Variants in SDK1 observed in about 807,000 individuals in gnomAD.
The protein encoded by SDK1 is protein sidekick-1.
SDK1 carries 157 observed loss-of-function variants against 245.5 expected under a neutral mutation model. The observed-to-expected ratio is 0.64, with a 90% CI of 0.56 to 0.73. The LOEUF is 0.73. Among genes scored for constraint, SDK1 ranks in the 30% least tolerant of loss-of-function variants. SDK1 has a pLI of 0.00. For synonymous variants in SDK1, 1,647 were observed against 1,278.5 expected (o/e 1.29, Z -6.15); for missense variants, 3,583 against 3,002.3 (o/e 1.19, Z -4.52).
At chr7:3,730,234 T>G (rs537702741) in intron 4 of SDK1, among the ~76,000 whole-genome samples, 1 of 152,282 alleles carries the variant, frequency 6.6e-6, no homozygotes, top group East Asian at 1.9e-4. Context: ...CATCTCAGCC[T>G]CACATACAGT....
At chr7:3,804,256 T>C (rs566756524) in intron 4 of SDK1, among the ~76,000 whole-genome samples, 26 of 152,368 alleles carry the variant, frequency 1.7e-4, no homozygotes, top group African/African-American at 5.8e-4. Flanking sequence ...GGGTTTATTT[T>C]TGTATTCAGT....
chr7:3,987,278 G>T lies in SDK1; in HGVS notation c.2087G>T (p.Gly696Val). 2.5e-6 allele frequency: 4 copies of T among 1,614,110 alleles called. No individual in the cohort carries two copies. Among genetic ancestry groups the T allele is most frequent in the Non-Finnish European group, 2.5e-6 (3 of 1,179,982 alleles). Residue 696 changes from glycine to valine, a missense_variant, in exon 14 of 45, where the codon GGA becomes GTA. Transcript: ENST00000404826. The part of the protein sequence containing the change: ...VVLSWVRPFD[G>V]NSPILYYIVE... ...CTCTCTTGGGTCCGGCCCTTTGATG[G>T]AAACAGTCCTATTCTTTATTACATC...
chr7:4,150,808 A>T (rs770949369), intron 30 of SDK1, among the ~76,000 whole-genome samples: 27 of 152,218 alleles, frequency 1.8e-4, no homozygotes, highest in Non-Finnish European at 2.6e-4. Context: ...AAGAGAAGAG[A>T]AACCTCCAAA....
chr7:3,598,398 T>C (rs1781138769), intron 1 of SDK1, among the ~76,000 whole-genome samples: 1 of 152,248 alleles, frequency 6.6e-6, no homozygotes, highest in South Asian at 2.1e-4. Flanking sequence ...CTTTTTATTT[T>C]TATTTTATTT....
At chr7:3,661,567 A>G (rs936569102) in intron 4 of SDK1, among the ~76,000 whole-genome samples, 16 of 152,204 alleles carry the variant, frequency 1.1e-4, no homozygotes, top group Admixed American at 7.2e-4. Context: ...AATTGTGGCT[A>G]TCATTGAATT....
chr7:3,427,325 C>G (rs1779705861), intron 1 of SDK1, among the ~76,000 whole-genome samples: 1 of 152,026 alleles, frequency 6.6e-6, no homozygotes, highest in African/African-American at 2.4e-5. Flanking sequence ...TCGAGACCAG[C>G]CTGGCCAACA....
Position 4,268,567 on chromosome 7 carries a change from TA to T in SDK1, c.*3184del, listed in dbSNP as rs920551562. 3 of 1,339,786 alleles carry T rather than the reference TA, an allele frequency of 2.2e-6. No individual in the cohort carries two copies. In the African/African-American group the frequency reaches 4.4e-5, roughly 20 times the overall value. 83.0% of individuals were successfully genotyped at this position (1,339,786 alleles called of 1,614,324 possible). ...CAGCCCCGGGAGGTGGCTCACTCTG[TA>T]CAGGTCTTCGGAGGCCGTGTTTGTA... On this transcript the variant is annotated 3_prime_UTR_variant, in exon 45 of 45. Transcript: ENST00000404826.
chr7:3,974,608 A>G, intron 13 of SDK1, 63 bp downstream of exon 13: 1 of 1,500,314 alleles, frequency 6.7e-7, no homozygotes, highest in South Asian at 1.2e-5. Flanking sequence ...TGCCCCTGTT[A>G]GTGACTGCCA....
At chr7:4,145,560 A>G (rs575709499) in intron 28 of SDK1, among the ~76,000 whole-genome samples, 162 bp from the exon 29 acceptor site, 2 of 152,130 alleles carry the variant, frequency 1.3e-5, no homozygotes, top group Non-Finnish European at 2.9e-5. Context: ...CCCACCATTC[A>G]TCACAGCCAT....
chr7:3,486,908 T>C (rs1781714326), intron 1 of SDK1, among the ~76,000 whole-genome samples: 2 of 152,204 alleles, frequency 1.3e-5, no homozygotes, highest in South Asian at 2.1e-4. Flanking sequence ...GTTTATCTTA[T>C]ATAAATATTA....
chr7:3,337,461 CA>C lies in SDK1; in HGVS notation c.298+35589del, dbSNP rs35301702. ...TCAGAAGGAAAGAATAGAGTGGGAC[CA>C]AAAAAAAAAAATCTGAAGAAATAAT... On this transcript the variant is annotated intron_variant, in intron 1 of 44. Transcript: ENST00000404826. Among the ~76,000 whole-genome samples, 387 of 141,952 alleles carry C rather than the reference CA, an allele frequency of 2.7e-3. 3 individuals carry two copies. Among genetic ancestry groups the C allele is most frequent in the African/African-American group, 5.2e-3 (202 of 39,204 alleles). The allele number at this position is 141,952 out of a possible 152,430, so 93.1% of individuals were successfully genotyped here. A position where few individuals can be genotyped will look rare whatever the true frequency, so the allele number is the denominator to read the frequency against.
chr7:3,707,440 A>G (rs1194278732), intron 4 of SDK1, among the ~76,000 whole-genome samples: 5 of 152,220 alleles, frequency 3.3e-5, no homozygotes, highest in Admixed American at 6.5e-5. Context: ...GATTTTTAAA[A>G]CATTTATCGA....
rs1783946367 is a variant in SDK1 at position 3,987,434 on chromosome 7, T to C, written c.2131+112T>C. The C allele has an allele frequency of 4.5e-6, 5 of 1,118,210 alleles. No homozygotes were observed. The African/African-American group carries it at 4.7e-5, about 11-fold the overall frequency. 69.3% of individuals were successfully genotyped at this position (1,118,210 alleles called of 1,614,324 possible). On this transcript the variant is annotated intron_variant, in intron 14 of 44. Transcript: ENST00000404826. The stretch of plus-strand genomic sequence containing the variant: ...AGACCCAAAACAACTACTAAAATGC[T>C]GTAATGCTTTACAGGGTTTCAAACA...
At chr7:3,580,181 T>C (rs1780434481) in intron 1 of SDK1, among the ~76,000 whole-genome samples, 1 of 152,212 alleles carries the variant, frequency 6.6e-6, no homozygotes, top group Non-Finnish European at 1.5e-5. Flanking sequence ...TAGTCATGGT[T>C]AGGAAGAATC....
intron 1 of SDK1, among the ~76,000 whole-genome samples, chr7:3,617,621 A>T (rs1311286408): frequency 6.6e-6 from 1 of 152,160 alleles, no homozygotes; most frequent in Non-Finnish European, 1.5e-5. Context: ...TCATCTGGGG[A>T]GGCCCTTTGT....
At chr7:3,473,251 T>C (rs905625372) in intron 1 of SDK1, among the ~76,000 whole-genome samples, 14 of 152,188 alleles carry the variant, frequency 9.2e-5, no homozygotes, top group African/African-American at 3.4e-4. Flanking sequence ...AGCCTTTCAC[T>C]GTACACACTG....
chr7:3,526,786 G>T (rs749277807), intron 1 of SDK1, among the ~76,000 whole-genome samples: 3 of 152,008 alleles, frequency 2.0e-5, no homozygotes, highest in Admixed American at 1.3e-4. Context: ...TATTTGGTTG[G>T]TTTTCATTCC....
intron 4 of SDK1, among the ~76,000 whole-genome samples, chr7:3,805,579 T>C (rs1779221205): frequency 6.6e-6 from 1 of 152,340 alleles, no homozygotes; most frequent in South Asian, 2.1e-4. Flanking sequence ...TTTGAGACCA[T>C]AGCAGTTCCC....
chr7:3,744,195 G>A (rs1377679544), intron 4 of SDK1, among the ~76,000 whole-genome samples: 1 of 151,932 alleles, frequency 6.6e-6, no homozygotes, highest in Admixed American at 6.6e-5. Context: ...TTTCTCAAAT[G>A]CCATCTCCCA....
Sources: allele counts gnomAD v4.1 joint callset (sites outside exome capture counted in the v4.1 genomes callset), GRCh38; gene constraint gnomAD v4.1.1; transcripts MANE v1.5; gene names NCBI Gene and HGNC (gene_info 2026-07-23, HGNC 2026-07-21).